TTLL5: variants seen among roughly 807,000 people sequenced by gnomAD.
TTLL5 encodes tubulin polyglutamylase TTLL5.
A neutral mutation model predicts 168.4 loss-of-function variants in TTLL5; 132 were observed. That is an observed-to-expected ratio of 0.78 (90% CI 0.68 to 0.91). The LOEUF (loss-of-function observed/expected upper bound fraction) is 0.91. TTLL5 is among the 40% of genes least tolerant of loss of function. TTLL5 has a pLI of 0.00. For missense variants in TTLL5, 1,545 were observed against 1,581.5 expected, an observed-to-expected ratio of 0.98 and a Z score of 0.39; for synonymous variants, 546 against 558.6, an observed-to-expected ratio of 0.98 and a Z score of 0.32.
At chr14:75,734,791 T>C (rs535826730) in intron 14 of TTLL5, among the ~76,000 whole-genome samples, 1 of 152,358 alleles carries the variant, frequency 6.6e-6, no homozygotes, top group Admixed American at 6.5e-5. Context: ...AGGATGAGAC[T>C]GTTCACTTGC....
At chr14:75,846,001 T>TA (rs1372466976) in intron 28 of TTLL5, among the ~76,000 whole-genome samples, 1 of 152,244 alleles carries the variant, frequency 6.6e-6, no homozygotes, top group Non-Finnish European at 1.5e-5. Context: ...GCTGGTGCGA[T>TA]AGAGTTCAGC....
At chr14:75,872,570 A>G (rs2031123012) in intron 29 of TTLL5, among the ~76,000 whole-genome samples, 1 of 152,140 alleles carries the variant, frequency 6.6e-6, no homozygotes, top group African/African-American at 2.4e-5. Flanking sequence ...GGAGGGATAA[A>G]TGAGATAACA....
intron 29 of TTLL5, among the ~76,000 whole-genome samples, chr14:75,870,701 G>A (rs1425647939): frequency 6.6e-6 from 1 of 151,820 alleles, no homozygotes; most frequent in African/African-American, 2.4e-5. Flanking sequence ...TCTATGATAG[G>A]TGTTTTTCAG....
chr14:75,769,378 G>GT (rs1432101143), intron 20 of TTLL5, among the ~76,000 whole-genome samples: 3 of 152,086 alleles, frequency 2.0e-5, no homozygotes, highest in Admixed American at 6.5e-5. Context: ...ATAACCTTTT[G>GT]TTTTTTAAAA....
chr14:75,704,995 T>C (rs896206421), intron 7 of TTLL5, among the ~76,000 whole-genome samples: 1 of 152,262 alleles, frequency 6.6e-6, no homozygotes, highest in Non-Finnish European at 1.5e-5. Flanking sequence ...AGATATTTAT[T>C]GTAGCCTATA....
At chr14:75,683,825 G>A (rs1884813663) in intron 5 of TTLL5, 169 bp downstream of exon 5, 1 of 496,368 alleles carries the variant, frequency 2.0e-6, no homozygotes, top group Non-Finnish European at 3.6e-6. Flanking sequence ...CCAGGCTGGA[G>A]TGCAGTGGCA....
intron 4 of TTLL5, among the ~76,000 whole-genome samples, chr14:75,682,440 A>G (rs1252629743): frequency 6.6e-6 from 1 of 152,142 alleles, no homozygotes. Context: ...TTCTCAAGGC[A>G]CTGCCATGGG....
rs750882628 is a variant in TTLL5, at chr14:75,766,224, C to A, written c.1871C>A (p.Ala624Asp). 1.2e-6 allele frequency: 2 copies of A among 1,613,980 alleles called. No individual in the cohort carries two copies. The highest frequency in any genetic ancestry group is 1.7e-6 in the Non-Finnish European group (2 of 1,179,972). Residue 624 changes from alanine to aspartate, a missense_variant, in exon 20 of 32, where the codon GCT (alanine) becomes GAT (aspartate). Ala to Asp is a moderately radical substitution (Grantham distance 126). Coordinates refer to ENST00000298832, the MANE Select transcript of TTLL5 (RefSeq NM_015072.5). ...NQAKYTPSLT[A>D]LVENTPKENS... ...GCCAAATATACACCCTCATTGACAGCTTTGGTAGAAAATACACCCAAAGAA... is the reference window on the plus strand; with the variant it reads ...GCCAAATATACACCCTCATTGACAGATTTGGTAGAAAATACACCCAAAGAA...
At chr14:75,916,844 T>C (rs969482352) in intron 31 of TTLL5, among the ~76,000 whole-genome samples, 1 of 152,204 alleles carries the variant, frequency 6.6e-6, no homozygotes, top group Admixed American at 6.5e-5. Flanking sequence ...AGTGAAATAC[T>C]ATTCAGCCTT....
chr14:75,912,260 G>T (rs541639624), intron 31 of TTLL5, among the ~76,000 whole-genome samples: 2 of 152,128 alleles, frequency 1.3e-5, no homozygotes, highest in Non-Finnish European at 2.9e-5. Context: ...CCCCTGGTGG[G>T]CAGAGCTCTC....
intron 16 of TTLL5, 52 bp from the exon 17 acceptor site, chr14:75,745,438 A>T (rs374016027): frequency 6.4e-7 from 1 of 1,571,710 alleles, no homozygotes; most frequent in Non-Finnish European, 8.8e-7. Flanking sequence ...CTATAGCCAC[A>T]TGGACTCCGG....
intron 27 of TTLL5, among the ~76,000 whole-genome samples, chr14:75,801,160 C>T (rs1893294333): frequency 6.6e-6 from 1 of 152,142 alleles, no homozygotes; most frequent in Non-Finnish European, 1.5e-5. Context: ...CAGAGTTAGG[C>T]ATGCCCAAGC....
At chr14:75,856,825 A>G (rs947574551) in intron 28 of TTLL5, among the ~76,000 whole-genome samples, 5 of 151,948 alleles carry the variant, frequency 3.3e-5, no homozygotes, top group Non-Finnish European at 7.4e-5. Context: ...CATGGTTTCA[A>G]CATATTGGCC....
chr14:75,949,027 A>G (rs758882832), intron 31 of TTLL5, among the ~76,000 whole-genome samples: 11 of 152,198 alleles, frequency 7.2e-5, no homozygotes, highest in Non-Finnish European at 1.0e-4. Flanking sequence ...ATTTCAATCT[A>G]CAAACTATTC....
At chr14:75,739,314 C>T (rs1889103536) in intron 15 of TTLL5, among the ~76,000 whole-genome samples, 1 of 151,984 alleles carries the variant, frequency 6.6e-6, no homozygotes. Context: ...AATTCTTTGA[C>T]TTTTATTGTA....
At chr14:75,681,744 G>GCA in intron 4 of TTLL5, 117 bp downstream of exon 4, 5 of 787,490 alleles carry the variant, frequency 6.3e-6, no homozygotes, top group Non-Finnish European at 1.1e-5. Context: ...CCAATGCTTA[G>GCA]TGGTGGTCCA....
intron 31 of TTLL5, among the ~76,000 whole-genome samples, chr14:75,937,154 G>T (rs2034457793): frequency 4.0e-5 from 6 of 148,652 alleles, no homozygotes; most frequent in Admixed American, 3.4e-4. Context: ...GTCTTGCTCT[G>T]TCACCAGGCT....
intron 31 of TTLL5, among the ~76,000 whole-genome samples, chr14:75,905,976 A>G (rs1225614634): frequency 6.6e-6 from 1 of 152,204 alleles, no homozygotes; most frequent in South Asian, 2.1e-4. Context: ...AGCAGTGAGC[A>G]GTGTCCTTAT....
rs892436372 is a variant in TTLL5 at position 75,935,807 on chromosome 14, C to T, written c.3824-18617C>T. Among the ~76,000 whole-genome samples the T allele has an allele frequency of 2.6e-5, 4 of 152,248 alleles. No individual in the cohort carries two copies. The East Asian group carries it at 5.8e-4, about 22-fold the overall frequency. ...GGGTGAGCCACACACCTATGCAAAC[C>T]AGTAATAGGCAGCTGCCTGCCTCTG... On this transcript the variant is annotated intron_variant, in intron 31 of 31. Coordinates refer to ENST00000298832, the MANE Select transcript of TTLL5 (RefSeq NM_015072.5).
Sources: allele counts gnomAD v4.1 joint callset (sites outside exome capture counted in the v4.1 genomes callset), GRCh38; gene constraint gnomAD v4.1.1; transcripts MANE v1.5; gene names NCBI Gene and HGNC (gene_info 2026-07-23, HGNC 2026-07-21).